WDPCP: variants seen among roughly 807,000 people sequenced by gnomAD.
The protein encoded by WDPCP is WD repeat-containing and planar cell polarity effector protein fritz homolog.
In WDPCP, 71 loss-of-function variants were observed where a neutral mutation model predicts 93.1. That is an observed-to-expected ratio of 0.76 (90% CI 0.63 to 0.93). The LOEUF is 0.93. WDPCP is among the 40% of genes least tolerant of loss of function. The pLI is 0.00. For missense variants in WDPCP, 844 were observed against 887.4 expected (o/e 0.95, Z 0.62); for synonymous variants, 315 against 315.0 (o/e 1.00, Z 0.00).
chr2:63,588,937 T>C, upstream of WDPCP: 1 of 1,535,972 alleles, frequency 6.5e-7, no homozygotes, highest in Non-Finnish European at 9.0e-7. Flanking sequence ...CGGAGCCTTT[T>C]CTCGCTAACA....
intron 12 of WDPCP, among the ~76,000 whole-genome samples, chr2:63,372,172 T>C (rs1691453058): frequency 6.6e-6 from 1 of 152,084 alleles, no homozygotes; most frequent in Non-Finnish European, 1.5e-5. Flanking sequence ...CACCAATGTT[T>C]AACCAACCAA....
At chr2:63,691,924 T>A (rs1012962936) in intron 2 of WDPCP, among the ~76,000 whole-genome samples, 5 of 150,738 alleles carry the variant, frequency 3.3e-5, no homozygotes, top group African/African-American at 1.2e-4. Flanking sequence ...ATTTTTCTAT[T>A]CTATTAGCAG....
chr2:63,419,131 G>T (rs1268719416), intron 9 of WDPCP, among the ~76,000 whole-genome samples: 1 of 151,962 alleles, frequency 6.6e-6, no homozygotes, highest in Non-Finnish European at 1.5e-5. Context: ...TTATCCTTCA[G>T]TGTATCTTTT....
intron 13 of WDPCP, among the ~76,000 whole-genome samples, chr2:63,279,776 T>C (rs147608546): frequency 0.026 from 3,972 of 152,130 alleles, 80 homozygotes; most frequent in Middle Eastern, 0.048. Context: ...GGATACAAAA[T>C]TAATGCACAC....
intron 1 of WDPCP, among the ~76,000 whole-genome samples, chr2:63,514,706 A>G (rs969421404): frequency 1.3e-5 from 2 of 152,168 alleles, no homozygotes; most frequent in Non-Finnish European, 2.9e-5. Context: ...AAATACAGAT[A>G]TAGAGCTCAG....
chr2:63,313,878 A>ATTTTT, intron 12 of WDPCP, among the ~76,000 whole-genome samples: 1 of 3,674 alleles, frequency 2.7e-4, no homozygotes, highest in African/African-American at 2.8e-3. Flanking sequence ...ATATATATAT[A>ATTTTT]TATATATATT....
At chr2:63,374,790 G>A (rs1004455503) in intron 12 of WDPCP, among the ~76,000 whole-genome samples, 5 of 151,804 alleles carry the variant, frequency 3.3e-5, no homozygotes, top group Non-Finnish European at 4.4e-5. Flanking sequence ...CATGTATTCT[G>A]ACTTTATCGT....
intron 3 of WDPCP, chr2:63,650,539 T>C (rs1392943013): frequency 1.3e-5 from 2 of 152,190 alleles, no homozygotes; most frequent in East Asian, 3.9e-4. Flanking sequence ...TTAAGTTTCT[T>C]TTAGGGAGAT....
At chr2:63,588,666 T>C, upstream of WDPCP, 1 of 471,658 alleles carries the variant, frequency 2.1e-6, no homozygotes, top group Non-Finnish European at 3.9e-6. Flanking sequence ...TTACACACGC[T>C]ATCTCTCCCG....
intron 1 of WDPCP, among the ~76,000 whole-genome samples, chr2:63,576,133 G>A (rs932646700): frequency 2.0e-4 from 30 of 152,108 alleles, no homozygotes; most frequent in Non-Finnish European, 1.5e-5. Context: ...TCCTCTAGCA[G>A]ATACCAAATG....
intron 2 of WDPCP, among the ~76,000 whole-genome samples, chr2:63,662,551 G>GCAACATGGGAAGAGCCTACCATGTTAAGC (rs1710237200): frequency 6.6e-6 from 1 of 152,028 alleles, no homozygotes; most frequent in Non-Finnish European, 1.5e-5. Flanking sequence ...CATGATAAGA[G>GCAACATGGGAAGAGCCTACCATGTTAAGC]CCAGGGTTGC....
intron 6 of WDPCP, among the ~76,000 whole-genome samples, chr2:63,464,991 C>G (rs996493912): frequency 6.6e-6 from 1 of 151,908 alleles, no homozygotes; most frequent in African/African-American, 2.4e-5. Context: ...ACTTAACACA[C>G]TGAACTGTAC....
intron 2 of WDPCP, among the ~76,000 whole-genome samples, chr2:63,699,146 C>T (rs555113629): frequency 1.6e-4 from 24 of 152,314 alleles, no homozygotes; most frequent in African/African-American, 4.8e-4. Context: ...GGAACACTCT[C>T]AGCAGCTCCC....
intron 2 of WDPCP, among the ~76,000 whole-genome samples, chr2:63,653,428 T>C (rs1710130592): frequency 6.6e-6 from 1 of 152,124 alleles, no homozygotes; most frequent in Non-Finnish European, 1.5e-5. Context: ...CTTACTTTAA[T>C]AGGGAGACTA....
At chr2:63,175,061 AT>A (rs1313767768) in intron 14 of WDPCP, among the ~76,000 whole-genome samples, 11 of 152,308 alleles carry the variant, frequency 7.2e-5, no homozygotes, top group East Asian at 1.9e-4. Flanking sequence ...TAAAAAATTC[AT>A]TTATATCTTG....
At chr2:63,396,727 C>T (rs537964765) in intron 10 of WDPCP, among the ~76,000 whole-genome samples, 5 of 151,980 alleles carry the variant, frequency 3.3e-5, no homozygotes, top group Admixed American at 6.6e-5. Context: ...AAACTCATAT[C>T]ATGGGGGCCT....
intron 2 of WDPCP, among the ~76,000 whole-genome samples, chr2:63,756,564 A>G (rs1427760519): frequency 6.6e-6 from 1 of 152,198 alleles, no homozygotes; most frequent in African/African-American, 2.4e-5. Flanking sequence ...TGTACACAAG[A>G]TATCAAGTTG....
At chr2:63,550,949 T>G (rs953104816) in intron 1 of WDPCP, among the ~76,000 whole-genome samples, 1 of 152,118 alleles carries the variant, frequency 6.6e-6, no homozygotes, top group Non-Finnish European at 1.5e-5. Flanking sequence ...GATTCCAGTT[T>G]TAGTAAACAA....
At chr2:63,781,822 C>G (rs1670396869) in intron 2 of WDPCP, among the ~76,000 whole-genome samples, 1 of 152,134 alleles carries the variant, frequency 6.6e-6, no homozygotes. Flanking sequence ...TTGCTTAGAT[C>G]TTGTTAAGGA....
Sources: allele counts gnomAD v4.1 joint callset (sites outside exome capture counted in the v4.1 genomes callset), GRCh38; gene constraint gnomAD v4.1.1; transcripts MANE v1.5; gene names NCBI Gene and HGNC (gene_info 2026-07-23, HGNC 2026-07-21).